CFAP221: variants seen among roughly 807,000 people sequenced by gnomAD.
CFAP221 encodes the protein cilia and flagella associated protein 221, also known as cilia- and flagella-associated protein 221.
Under a neutral mutation model 113.1 loss-of-function variants are expected in CFAP221, and 97 were observed. The observed-to-expected ratio is 0.86, with a 90% CI of 0.73 to 1.02. The LOEUF (loss-of-function observed/expected upper bound fraction) is 1.02, where lower values mean the gene tolerates loss of function less well. Among genes scored for constraint, CFAP221 ranks in the 50% least tolerant of loss-of-function variants. The pLI, the probability that CFAP221 is intolerant of heterozygous loss-of-function variation, is 0.00. For synonymous variants in CFAP221, 331 were observed against 354.4 expected (o/e 0.93, Z 0.74); for missense variants, 1,025 against 1,013.4 (o/e 1.01, Z -0.16).
intron 22 of CFAP221, among the ~76,000 whole-genome samples, chr2:119,647,525 A>G (rs1402301706): frequency 2.6e-5 from 4 of 152,180 alleles, no homozygotes; most frequent in African/African-American, 9.7e-5. Flanking sequence ...AGAGCTGAGA[A>G]TGGGAAACCT....
At chr2:119,645,786 C>A (rs976830043) in intron 21 of CFAP221, among the ~76,000 whole-genome samples, 1 of 152,162 alleles carries the variant, frequency 6.6e-6, no homozygotes, top group Non-Finnish European at 1.5e-5. Flanking sequence ...TGTTTCCTTC[C>A]GAGTGGGCTC....
At chr2:119,631,413 C>G (rs987653703) in intron 19 of CFAP221, among the ~76,000 whole-genome samples, 4 of 152,218 alleles carry the variant, frequency 2.6e-5, no homozygotes, top group Admixed American at 2.0e-4. Context: ...GTGGCTCATG[C>G]CTGTAATCCC....
At chr2:119,630,064 T>C (rs2272056) in intron 17 of CFAP221, 109 bp downstream of exon 17, 194,761 of 883,136 alleles carry the variant, frequency 0.22, 23,411 homozygotes, top group South Asian at 0.29. Flanking sequence ...TAGATTAGAC[T>C]GTGTGGCACA....
At chr2:119,599,182 C>T (rs1684196553) in intron 7 of CFAP221, among the ~76,000 whole-genome samples, 1 of 152,108 alleles carries the variant, frequency 6.6e-6, no homozygotes, top group African/African-American at 2.4e-5. Context: ...TTGACGAAGA[C>T]CTATTTCTAA....
intron 6 of CFAP221, among the ~76,000 whole-genome samples, chr2:119,586,306 G>C (rs1213673981): frequency 6.6e-6 from 1 of 152,214 alleles, no homozygotes; most frequent in African/African-American, 2.4e-5. Flanking sequence ...ACAGGATGTA[G>C]AATTACCCTG....
intron 11 of CFAP221, among the ~76,000 whole-genome samples, chr2:119,605,913 A>G (rs1480687932): frequency 6.6e-6 from 1 of 152,204 alleles, no homozygotes; most frequent in Non-Finnish European, 1.5e-5. Context: ...AAAAAAGTGC[A>G]TATAAATGTT....
At chr2:119,602,719 C>T in intron 8 of CFAP221, 2 of 985,388 alleles carry the variant, frequency 2.0e-6, no homozygotes, top group Non-Finnish European at 2.4e-6. Flanking sequence ...TAGAACTGAA[C>T]ACAAATTTTA....
chr2:119,602,395 A>C (rs1469202023), intron 8 of CFAP221, among the ~76,000 whole-genome samples: 1 of 152,158 alleles, frequency 6.6e-6, no homozygotes, highest in African/African-American at 2.4e-5. Context: ...ACAAACAAAA[A>C]AGTTGTCACA....
At chr2:119,601,185 G>C in intron 7 of CFAP221, 33 bp from the exon 8 acceptor site, 1 of 1,490,022 alleles carries the variant, frequency 6.7e-7, no homozygotes. Flanking sequence ...CAAGAAGAGA[G>C]GGTATCACAT....
intron 12 of CFAP221, among the ~76,000 whole-genome samples, chr2:119,609,194 G>C (rs1684979909): frequency 6.6e-6 from 1 of 152,162 alleles, no homozygotes; most frequent in Non-Finnish European, 1.5e-5. Context: ...CCTACACACA[G>C]GTGCAGAGAA....
intron 20 of CFAP221, among the ~76,000 whole-genome samples, chr2:119,639,035 T>C (rs1687304376): frequency 6.6e-6 from 1 of 151,992 alleles, no homozygotes; most frequent in Non-Finnish European, 1.5e-5. Flanking sequence ...ATGAGATCCT[T>C]TCCCTCCTTC....
intron 12 of CFAP221, among the ~76,000 whole-genome samples, chr2:119,609,696 T>C (rs1334731421): frequency 6.6e-6 from 1 of 152,178 alleles, no homozygotes; most frequent in South Asian, 2.1e-4. Flanking sequence ...AAGGCTTCAA[T>C]ACAGGAATTT....
downstream of CFAP221, among the ~76,000 whole-genome samples, chr2:119,658,293 G>A (rs1354462768): frequency 6.6e-6 from 1 of 152,062 alleles, no homozygotes; most frequent in African/African-American, 2.4e-5. Flanking sequence ...TGTTTATTTT[G>A]TTCTCAAATT....
chr2:119,605,292 A>G lies in CFAP221; in HGVS notation c.1133+3A>G. On this transcript the variant is annotated splice_donor_region_variant and intron_variant, in intron 11 of 23. Transcript: ENST00000413369. ...GAGATGGAAAATCATCTTAAGTGGT[A>G]AATATTGAGCAATTGTTTGTATCAA... is the stretch of plus-strand genomic sequence containing the variant. 1 of 1,601,410 alleles carries G rather than the reference A, an allele frequency of 6.2e-7. No individual in the cohort carries two copies. The highest frequency in any genetic ancestry group is 8.6e-7 in the Non-Finnish European group (1 of 1,168,480).
At chr2:119,611,504 C>G in intron 12 of CFAP221, 149 bp from the exon 13 acceptor site, 1 of 558,736 alleles carries the variant, frequency 1.8e-6, no homozygotes, top group East Asian at 3.4e-5. Context: ...TCATACTGAT[C>G]TTTTTTACCC....
At chr2:119,588,305 T>C (rs745538640) in intron 7 of CFAP221, among the ~76,000 whole-genome samples, 1 of 152,110 alleles carries the variant, frequency 6.6e-6, no homozygotes, top group Non-Finnish European at 1.5e-5. Context: ...CAGGTATGAC[T>C]GAGGTGGGTA....
In CFAP221 at chr2:119,600,334, G is replaced by A. The variant is rs188080327; in HGVS notation, c.632-884G>A. Reference sequence around the variant, plus strand: ...TCCATCCTAAAGATTTGAAAAGAAAGAATCAAATTATACAAAGAAAGAACT... The same window carrying A: ...TCCATCCTAAAGATTTGAAAAGAAAAAATCAAATTATACAAAGAAAGAACT... On this transcript the variant is annotated intron_variant, in intron 7 of 23. Transcript: ENST00000413369. 9.2e-3 allele frequency among the ~76,000 whole-genome samples: 1,406 copies of A among 152,250 alleles called. 18 individuals carry two copies. Among genetic ancestry groups the A allele is most frequent in the Non-Finnish European group, 0.013 (882 of 68,008 alleles).
chr2:119,557,788 C>T (rs1680919611), intron 3 of CFAP221, among the ~76,000 whole-genome samples: 1 of 152,054 alleles, frequency 6.6e-6, no homozygotes, highest in Non-Finnish European at 1.5e-5. Context: ...ATCATGAGGT[C>T]AGGAGTTCGA....
At chr2:119,567,932 A>G (rs983990175) in intron 6 of CFAP221, among the ~76,000 whole-genome samples, 2 of 151,996 alleles carry the variant, frequency 1.3e-5, no homozygotes, top group Non-Finnish European at 2.9e-5. Context: ...TTCTTTTAGC[A>G]TACCAGTTAT....
Sources: allele counts gnomAD v4.1 joint callset (sites outside exome capture counted in the v4.1 genomes callset), GRCh38; gene constraint gnomAD v4.1.1; transcripts MANE v1.5; gene names NCBI Gene and HGNC (gene_info 2026-07-23, HGNC 2026-07-21).